KLHL18: variants seen among roughly 807,000 people sequenced by gnomAD.
KLHL18 encodes the protein kelch-like protein 18.
KLHL18 carries 38 observed loss-of-function variants against 58.5 expected under a neutral mutation model. The ratio of observed to expected loss-of-function variants is 0.65; its 90% CI spans 0.50 to 0.85. The LOEUF is 0.85. KLHL18 is among the 40% of genes least tolerant of loss of function. KLHL18 has a pLI of 0.00. For synonymous variants in KLHL18, 303 were observed against 301.9 expected, an observed-to-expected ratio of 1.00 and a Z score of -0.04; for missense variants, 624 against 778.4, an observed-to-expected ratio of 0.80 and a Z score of 2.36.
intron 1 of KLHL18, among the ~76,000 whole-genome samples, chr3:47,309,081 T>A (rs1321297246): frequency 6.6e-6 from 1 of 152,102 alleles, no homozygotes; most frequent in Non-Finnish European, 1.5e-5. Context: ...GAGCACCGGG[T>A]TGGGGGTAAG....
Position 47,322,528 on chromosome 3 carries a change from G to A in KLHL18, c.261-40G>A, listed in dbSNP as rs375114923. The A allele has an allele frequency of 1.1e-4, 168 of 1,538,412 alleles. 2 individuals are homozygous for A. The highest frequency in any genetic ancestry group is 1.1e-3 in the South Asian group (84 of 78,940). On this transcript the variant is annotated intron_variant, in intron 2 of 9. Transcript: ENST00000232766. ...CTGAGTCTCCCGTGGGCCAAGACTC[G>A]TCTCTGAAAGCACCTCACAGCTTTC... is the stretch of plus-strand genomic sequence containing the variant.
chr3:47,305,334 G>GTT (rs397744565), intron 1 of KLHL18, among the ~76,000 whole-genome samples: 11,564 of 70,236 alleles, frequency 0.16, 1,647 homozygotes, highest in Middle Eastern at 0.28. Context: ...ATTTTGTCAA[G>GTT]TTTTTTTTTT....
chr3:47,319,889 T>G, intron 2 of KLHL18, 106 bp downstream of exon 2: 17 of 1,126,142 alleles, frequency 1.5e-5, no homozygotes, highest in South Asian at 4.6e-5. Flanking sequence ...TCTAATAGCC[T>G]AGCTCTACAC....
intron 1 of KLHL18, among the ~76,000 whole-genome samples, chr3:47,305,775 A>C (rs1218707450): frequency 6.6e-6 from 1 of 152,138 alleles, no homozygotes; most frequent in Non-Finnish European, 1.5e-5. Context: ...TTACAGATTT[A>C]GTTTTCTTGT....
intron 9 of KLHL18, 44 bp from the exon 10 acceptor site, chr3:47,343,511 T>G (rs1285526614): frequency 1.2e-5 from 19 of 1,609,524 alleles, no homozygotes; most frequent in Non-Finnish European, 1.5e-5. Flanking sequence ...GGACTGAGCT[T>G]TGCCTCTGAC....
chr3:47,333,472 AG>A (rs1270605521), intron 5 of KLHL18, among the ~76,000 whole-genome samples, 155 bp downstream of exon 5: 2 of 152,258 alleles, frequency 1.3e-5, no homozygotes, highest in Non-Finnish European at 2.9e-5. Flanking sequence ...AAGCTGGAAC[AG>A]GAAGTGTGAA....
At chr3:47,325,374 C>T (rs548454229) in intron 3 of KLHL18, among the ~76,000 whole-genome samples, 54 of 151,882 alleles carry the variant, frequency 3.6e-4, no homozygotes, top group African/African-American at 1.2e-3. Flanking sequence ...ATTTTTTGTA[C>T]TTTTAGTAGA....
In KLHL18 at chr3:47,340,644, C is replaced by T. The variant is rs1338108034; in HGVS notation, c.1194C>T (p.Ser398=). The T allele has an allele frequency of 1.2e-6, 2 of 1,613,992 alleles. No individual in the cohort carries two copies. Among genetic ancestry groups the T allele is most frequent in the Admixed American group, 3.3e-5 (2 of 60,014 alleles). ...CGGYDGNSSL[S]SVETYSPETD... is the part of the protein sequence containing the mutation. Reference sequence around the variant, plus strand: ...GCTACGATGGCAACTCTTCCCTCAGCTCCGTGGAGACCTACTCACCTGAGA... The same window carrying T: ...GCTACGATGGCAACTCTTCCCTCAGTTCCGTGGAGACCTACTCACCTGAGA... Residue 398 remains serine (S), a synonymous_variant, in exon 8 of 10, where the codon AGC becomes AGT. Coordinates refer to ENST00000232766, the MANE Select transcript of KLHL18 (RefSeq NM_025010.5).
chr3:47,304,911 C>T (rs776632350), intron 1 of KLHL18, among the ~76,000 whole-genome samples: 3 of 151,862 alleles, frequency 2.0e-5, no homozygotes, highest in Admixed American at 6.6e-5. Context: ...GTAGTCCCAA[C>T]TACTTGGGAG....
intron 7 of KLHL18, 93 bp downstream of exon 7, chr3:47,336,850 A>G (rs1247036344): frequency 3.9e-6 from 4 of 1,025,484 alleles, no homozygotes; most frequent in Non-Finnish European, 5.9e-6. Context: ...AGAGTAAAAT[A>G]CAAGCTTTGG....
At chr3:47,288,956 T>A (rs2107575010) in intron 1 of KLHL18, among the ~76,000 whole-genome samples, 1 of 152,376 alleles carries the variant, frequency 6.6e-6, no homozygotes, top group East Asian at 1.9e-4. Context: ...ATTGTCTGAT[T>A]CATCTGGGTC....
chr3:47,341,196 G>C (rs1210853098), intron 8 of KLHL18, among the ~76,000 whole-genome samples: 1 of 152,096 alleles, frequency 6.6e-6, no homozygotes, highest in Non-Finnish European at 1.5e-5. Flanking sequence ...CCATCTTGTG[G>C]GACTCATTTG....
intron 1 of KLHL18, among the ~76,000 whole-genome samples, chr3:47,294,936 A>G (rs1702866135): frequency 6.6e-6 from 1 of 152,020 alleles, no homozygotes; most frequent in Non-Finnish European, 1.5e-5. Context: ...TTCTGCACAC[A>G]GTGACAATCA....
At chr3:47,340,469 CG>C in intron 7 of KLHL18, 102 bp from the exon 8 acceptor site, 1 of 1,543,514 alleles carries the variant, frequency 6.5e-7, no homozygotes, top group East Asian at 2.3e-5. Context: ...CTTAGATTTA[CG>C]TTGCAGAAAG....
At chr3:47,312,805 C>G (rs1221365766) in intron 1 of KLHL18, among the ~76,000 whole-genome samples, 1 of 151,762 alleles carries the variant, frequency 6.6e-6, no homozygotes, top group Non-Finnish European at 1.5e-5. Context: ...TGCCACCATG[C>G]TTAGTTTAGT....
intron 5 of KLHL18, among the ~76,000 whole-genome samples, chr3:47,333,821 C>G (rs1289812150): frequency 1.3e-5 from 2 of 152,190 alleles, no homozygotes; most frequent in Non-Finnish European, 2.9e-5. Context: ...TTACCCAGAG[C>G]AAATCAATGA....
At chr3:47,289,608 C>G (rs750681983) in intron 1 of KLHL18, among the ~76,000 whole-genome samples, 6 of 152,016 alleles carry the variant, frequency 3.9e-5, no homozygotes, top group Admixed American at 6.6e-5. Context: ...AATTATAGAG[C>G]TAGAATAATC....
intron 7 of KLHL18, 66 bp from the exon 8 acceptor site, chr3:47,340,506 G>C: frequency 1.6e-5 from 26 of 1,608,738 alleles, no homozygotes; most frequent in Non-Finnish European, 2.2e-5. Context: ...TTGTTTCTCA[G>C]TGGGCAAGAG....
At chr3:47,313,108 A>G (rs1020795448) in intron 1 of KLHL18, among the ~76,000 whole-genome samples, 37 of 151,352 alleles carry the variant, frequency 2.4e-4, no homozygotes, top group Admixed American at 2.4e-3. Flanking sequence ...ACAGCGTTTC[A>G]CTGTGTTAGC....
Sources: allele counts gnomAD v4.1 joint callset (sites outside exome capture counted in the v4.1 genomes callset), GRCh38; gene constraint gnomAD v4.1.1; transcripts MANE v1.5; gene names NCBI Gene and HGNC (gene_info 2026-07-23, HGNC 2026-07-21).